RTN1: variants seen among roughly 807,000 people sequenced by gnomAD.
RTN1 encodes the protein reticulon 1, also known as reticulon-1.
RTN1 carries 25 observed loss-of-function variants against 65.5 expected under a neutral mutation model. That is an observed-to-expected ratio of 0.38 (90% CI 0.28 to 0.53). RTN1 has a LOEUF of 0.53. Ranked by LOEUF, RTN1 falls within the 20% of genes least tolerant of loss-of-function variation. The probability of loss-of-function intolerance (pLI) is 0.79; values close to 1 mark genes in which losing one functional copy is unlikely to be tolerated. For missense variants in RTN1, 983 were observed against 1,025.4 expected (o/e 0.96, Z 0.57); for synonymous variants, 471 against 447.6 (o/e 1.05, Z -0.66).
At chr14:59,703,665 G>A (rs4901955) in intron 3 of RTN1, among the ~76,000 whole-genome samples, 59,252 of 152,056 alleles carry the variant, frequency 0.39, 11,794 homozygotes, top group Middle Eastern at 0.48. Flanking sequence ...CCCCCTACAA[G>A]AACGTAAGTT....
intron 2 of RTN1, among the ~76,000 whole-genome samples, chr14:59,730,892 C>CA (rs1204708903): frequency 6.6e-6 from 1 of 152,158 alleles, no homozygotes; most frequent in Non-Finnish European, 1.5e-5. Context: ...AACCTTTATG[C>CA]ACTGCTGGTG....
chr14:59,723,034 G>A (rs1884679038), intron 3 of RTN1, among the ~76,000 whole-genome samples: 1 of 152,130 alleles, frequency 6.6e-6, no homozygotes, highest in Non-Finnish European at 1.5e-5. Context: ...CTGGGCTCAA[G>A]TGATTCACCA....
At chr14:59,686,635 AGT>A (rs1594678140) in intron 3 of RTN1, among the ~76,000 whole-genome samples, 1 of 152,340 alleles carries the variant, frequency 6.6e-6, no homozygotes, top group East Asian at 1.9e-4. Context: ...CCCTCGTGAC[AGT>A]GTCTGTCTGA....
At chr14:59,663,530 T>A (rs1883296783) in intron 3 of RTN1, among the ~76,000 whole-genome samples, 1 of 152,024 alleles carries the variant, frequency 6.6e-6, no homozygotes, top group African/African-American at 2.4e-5. Context: ...GAAACTATCA[T>A]CAGTGTGAAC....
At chr14:59,802,592 ATTTGGAATTTAGTAG>A (rs1886567214) in intron 1 of RTN1, among the ~76,000 whole-genome samples, 1 of 152,206 alleles carries the variant, frequency 6.6e-6, no homozygotes, top group Non-Finnish European at 1.5e-5. Context: ...ATGAGATGGC[ATTTGGAATTTAGTAG>A]TGTATTTAGA....
chr14:59,865,778 C>T (rs949590804), intron 1 of RTN1, among the ~76,000 whole-genome samples: 1 of 152,144 alleles, frequency 6.6e-6, no homozygotes, highest in South Asian at 2.1e-4. Context: ...TTTCCAGCAT[C>T]GTTTTCAAAA....
At position 59,748,260 on chromosome 14, in the gene RTN1, G is replaced by T. The variant is rs117112104; in HGVS notation, c.242-1779C>A. On this transcript the variant is annotated intron_variant, in intron 1 of 8. Transcript: ENST00000267484. ...ATATTTACTCAGCATTATTACAAAC[G>T]AACTTAACTTTTGTCTTTTCCTAGC... 8.7e-4 allele frequency among the ~76,000 whole-genome samples: 117 copies of T among 134,528 alleles called. 1 individual carries two copies. The East Asian group carries it at 0.022, about 26-fold the overall frequency. The allele number at this position is 134,528 out of a possible 152,430, so 88.3% of individuals were successfully genotyped here. A position where few individuals can be genotyped will look rare whatever the true frequency, so the allele number is the denominator to read the frequency against.
chr14:59,644,852 C>T (rs1372536294), intron 3 of RTN1, among the ~76,000 whole-genome samples: 2 of 151,948 alleles, frequency 1.3e-5, no homozygotes, highest in African/African-American at 2.4e-5. Context: ...GGGTCCCTGG[C>T]CTTGCTTCTC....
intron 3 of RTN1, among the ~76,000 whole-genome samples, chr14:59,684,790 T>C (rs11622268): frequency 0.72 from 109,938 of 151,850 alleles, 40,048 homozygotes; most frequent in Non-Finnish European, 0.74. Flanking sequence ...AATAATAGTT[T>C]GGGTGGGTAT....
rs766803436 is a variant in RTN1, at chr14:59,630,491, C to T, written c.1766-22999G>A. 5.0e-6 allele frequency: 8 copies of T among 1,613,748 alleles called. No homozygotes were observed. The African/African-American group carries it at 8.0e-5, about 16-fold the overall frequency. On this transcript the variant is annotated intron_variant, in intron 3 of 8. Coordinates refer to ENST00000267484, the MANE Select transcript of RTN1 (RefSeq NM_021136.3). ...CACACACAGTCCATCTTGGTGGAAT[C>T]GGCAGTGGCCTGCATCGTGCGGGCT... is the stretch of plus-strand genomic sequence containing the variant.
chr14:59,703,012 A>G (rs1391110050), intron 3 of RTN1, among the ~76,000 whole-genome samples: 2 of 152,030 alleles, frequency 1.3e-5, no homozygotes, highest in Non-Finnish European at 2.9e-5. Flanking sequence ...ATAGCTGCTT[A>G]CCTAAGTTCT....
chr14:59,821,417 T>A (rs554228529), intron 1 of RTN1, among the ~76,000 whole-genome samples: 50 of 152,224 alleles, frequency 3.3e-4, no homozygotes, highest in Non-Finnish European at 5.7e-4. Context: ...AGCCTTTGGA[T>A]ACAGACTACA....
chr14:59,776,279 A>T (rs1387303659), intron 1 of RTN1, among the ~76,000 whole-genome samples: 1 of 152,118 alleles, frequency 6.6e-6, no homozygotes, highest in African/African-American at 2.4e-5. Flanking sequence ...TTAGGTCATG[A>T]GGGCCATGCC....
chr14:59,617,299 T>C (rs1378989238), intron 3 of RTN1, among the ~76,000 whole-genome samples: 2 of 152,186 alleles, frequency 1.3e-5, no homozygotes, highest in African/African-American at 2.4e-5. Flanking sequence ...CCAAGTTATT[T>C]TGGGACCTCA....
At chr14:59,745,550 C>CT (rs1375754718) in intron 2 of RTN1, among the ~76,000 whole-genome samples, 158 bp downstream of exon 2, 2 of 152,036 alleles carry the variant, frequency 1.3e-5, no homozygotes, top group African/African-American at 2.4e-5. Flanking sequence ...AAATTGAAAA[C>CT]TTTGAATATT....
At position 59,607,419 on chromosome 14, in the gene RTN1, G is replaced by A; in HGVS notation, c.1839C>T (p.Phe613=). The change falls in exon 4 of 9, where the codon TTC becomes TTT. Residue 613 remains phenylalanine (F), a synonymous_variant. Transcript: ENST00000267484. ...TCACCACGCTGAACTGGGTCAGGGA[G>A]AAGAGCAGCAGCAGGAAACTCCCAA... ...IVFGSFLLLL[F]SLTQFSVVSV... The A allele has an allele frequency of 6.2e-7, 1 of 1,613,818 alleles. No homozygotes were observed. Among genetic ancestry groups the A allele is most frequent in the Non-Finnish European group, 8.5e-7 (1 of 1,179,910 alleles).
intron 1 of RTN1, among the ~76,000 whole-genome samples, chr14:59,802,536 C>G (rs2139602525): frequency 6.6e-6 from 1 of 152,284 alleles, no homozygotes; most frequent in East Asian, 1.9e-4. Context: ...CAAATTTTGG[C>G]CATTAATACA....
intron 3 of RTN1, among the ~76,000 whole-genome samples, chr14:59,695,612 T>G (rs1278870793): frequency 6.6e-6 from 1 of 152,160 alleles, no homozygotes; most frequent in Non-Finnish European, 1.5e-5. Flanking sequence ...GAAGAAAGAC[T>G]ACTTCTCATT....
chr14:59,732,162 C>G (rs1566703091), intron 2 of RTN1, among the ~76,000 whole-genome samples: 1 of 152,134 alleles, frequency 6.6e-6, no homozygotes. Context: ...AGGAAGGGGT[C>G]TGCTCAAAGA....
Sources: gnomAD v4.1 joint callset for allele counts (sites outside exome capture counted in the v4.1 genomes callset) on GRCh38, gnomAD v4.1.1 for gene constraint, MANE v1.5 for transcripts, NCBI Gene and HGNC (gene_info 2026-07-23, HGNC 2026-07-21) for gene names.